GFPT1: variants seen among roughly 807,000 people sequenced by gnomAD.
GFPT1 encodes glutamine--fructose-6-phosphate aminotransferase [isomerizing] 1.
GFPT1 carries 40 observed loss-of-function variants against 92.0 expected under a neutral mutation model. That is an observed-to-expected ratio of 0.43 (90% CI 0.34 to 0.57). The LOEUF is 0.57. GFPT1 is among the 20% of genes least tolerant of loss of function. The probability of loss-of-function intolerance (pLI) is 0.02; values close to 1 mark genes in which losing one functional copy is unlikely to be tolerated. For missense variants in GFPT1, 448 were observed against 869.1 expected (o/e 0.52, Z 6.09); for synonymous variants, 269 against 280.6 (o/e 0.96, Z 0.41).
intron 18 of GFPT1, among the ~76,000 whole-genome samples, chr2:69,327,479 C>T (rs1287194155): frequency 6.6e-6 from 1 of 151,768 alleles, no homozygotes; most frequent in South Asian, 2.1e-4. Context: ...AAATATATCG[C>T]GTGTGTGTAA....
chr2:69,323,677 A>C lies in GFPT1; in HGVS notation c.*2512T>G. 1 of 134,866 alleles carries C rather than the reference A, an allele frequency of 7.4e-6. No homozygotes were observed. Among genetic ancestry groups the C allele is most frequent in the Non-Finnish European group, 1.6e-5 (1 of 64,472 alleles). The allele number at this position is 134,866 out of a possible 1,614,324, so 8.4% of individuals were successfully genotyped here. A position where few individuals can be genotyped will look rare whatever the true frequency, so the allele number is the denominator to read the frequency against. ...CCATGCCCAGCCCATTTAAAAAAAA[A>C]ATTTTTTTTTTTTTTTTTTGAGAGA... is the stretch of plus-strand genomic sequence containing the variant. On this transcript the variant is annotated 3_prime_UTR_variant, in exon 20 of 20. Coordinates refer to ENST00000357308, the MANE Select transcript of GFPT1 (RefSeq NM_001244710.2).
rs559312932 is a variant in GFPT1 at position 69,355,258 on chromosome 2, T to C, written c.606-690A>G. On this transcript the variant is annotated intron_variant, in intron 7 of 19. Coordinates refer to ENST00000357308, the MANE Select transcript of GFPT1 (RefSeq NM_001244710.2). ...ACACCCAGCTAAATTTTTTATTTTTTATAGAGATGGGATTTTGTCATGTTG... is the reference window on the plus strand; with the variant it reads ...ACACCCAGCTAAATTTTTTATTTTTCATAGAGATGGGATTTTGTCATGTTG... Among the ~76,000 whole-genome samples the C allele has an allele frequency of 7.9e-5, 12 of 152,058 alleles. No homozygotes were observed. In the East Asian group the frequency reaches 2.3e-3, roughly 29 times the overall value.
chr2:69,339,322 C>T (rs1670879449), intron 13 of GFPT1, among the ~76,000 whole-genome samples: 1 of 152,098 alleles, frequency 6.6e-6, no homozygotes, highest in Non-Finnish European at 1.5e-5. Context: ...ATGACCATTT[C>T]CCAAAAGAAG....
intron 2 of GFPT1, among the ~76,000 whole-genome samples, chr2:69,372,307 C>T (rs573216280): frequency 2.5e-3 from 383 of 151,814 alleles, no homozygotes; most frequent in Non-Finnish European, 4.4e-3. Flanking sequence ...CAGTGGCTCA[C>T]GCCTATAATC....
At chr2:69,366,558 C>T (rs1246221506) in intron 3 of GFPT1, among the ~76,000 whole-genome samples, 1 of 152,200 alleles carries the variant, frequency 6.6e-6, no homozygotes, top group East Asian at 1.9e-4. Context: ...ACCTAAGAAA[C>T]ATGTATCCAA....
intron 3 of GFPT1, among the ~76,000 whole-genome samples, chr2:69,368,460 G>C (rs1671662965): frequency 2.6e-5 from 4 of 152,104 alleles, no homozygotes; most frequent in Admixed American, 2.6e-4. Context: ...AGGCTCAGTG[G>C]CTAATGCCTG....
chr2:69,386,111 T>C (rs894643299), intron 1 of GFPT1, among the ~76,000 whole-genome samples: 6 of 152,178 alleles, frequency 3.9e-5, no homozygotes, highest in Non-Finnish European at 7.3e-5. Flanking sequence ...TACAATTATT[T>C]TTACTGGCAA....
chr2:69,346,539 A>G (rs748815917), intron 11 of GFPT1, among the ~76,000 whole-genome samples: 4 of 152,030 alleles, frequency 2.6e-5, no homozygotes, highest in Non-Finnish European at 4.4e-5. Context: ...CACTCAGTCA[A>G]CTGGGACAAG....
At chr2:69,384,300 T>C (rs902522457) in intron 1 of GFPT1, among the ~76,000 whole-genome samples, 1 of 152,154 alleles carries the variant, frequency 6.6e-6, no homozygotes, top group Admixed American at 6.5e-5. Flanking sequence ...AACATCCCAA[T>C]ACAAGCTGGT....
chr2:69,324,231 T>C lies in GFPT1; in HGVS notation c.*1958A>G, dbSNP rs1670479770. The C allele has an allele frequency of 6.6e-6, 1 of 152,186 alleles. No homozygotes were observed. The highest frequency in any genetic ancestry group is 2.1e-4 in the South Asian group (1 of 4,834). The allele number at this position is 152,186 out of a possible 1,614,324, so 9.4% of individuals were successfully genotyped here. On this transcript the variant is annotated 3_prime_UTR_variant, in exon 20 of 20. Transcript: ENST00000357308. ...TGTGTGTGTGTACACATGTGCTTTA[T>C]AGAAAGACACACACAGAGGGAGACA...
chr2:69,326,664 T>C (rs1161077145), intron 19 of GFPT1, among the ~76,000 whole-genome samples: 1 of 152,198 alleles, frequency 6.6e-6, no homozygotes, highest in African/African-American at 2.4e-5. Context: ...AGAGGTTATA[T>C]TAAGAAAACA....
At chr2:69,366,803 G>A (rs987294567) in intron 3 of GFPT1, among the ~76,000 whole-genome samples, 3 of 152,014 alleles carry the variant, frequency 2.0e-5, no homozygotes, top group Non-Finnish European at 4.4e-5. Flanking sequence ...TTCTTGGGCC[G>A]TAGTGCTTCA....
At chr2:69,381,037 T>C (rs1574091901) in intron 1 of GFPT1, among the ~76,000 whole-genome samples, 1 of 151,972 alleles carries the variant, frequency 6.6e-6, no homozygotes, top group Admixed American at 6.6e-5. Flanking sequence ...TGGAGGGCAG[T>C]GGCGCTATCT....
intron 13 of GFPT1, among the ~76,000 whole-genome samples, chr2:69,340,023 AAGAG>A (rs1670901852): frequency 6.6e-6 from 1 of 152,146 alleles, no homozygotes; most frequent in African/African-American, 2.4e-5. Flanking sequence ...ATGGGGAAAG[AAGAG>A]AGAAAGATAG....
intron 12 of GFPT1, 26 bp downstream of exon 12, chr2:69,345,878 T>A: frequency 8.2e-7 from 1 of 1,219,882 alleles, no homozygotes; most frequent in South Asian, 1.2e-5. Context: ...GACACTGAAA[T>A]AATAAAATAA....
In GFPT1 at chr2:69,373,997, T is replaced by G; in HGVS notation, c.115+9A>C. ...TCATGCAAAATCCATAGTATTTTTT[T>G]TAAAGTACCAGCAGAATCATATCCT... On this transcript the variant is annotated intron_variant, in intron 2 of 19. Coordinates refer to ENST00000357308, the MANE Select transcript of GFPT1 (RefSeq NM_001244710.2). 1 of 1,263,846 alleles carries G rather than the reference T, an allele frequency of 7.9e-7. No individual in the cohort carries two copies. Among genetic ancestry groups the G allele is most frequent in the Non-Finnish European group, 1.2e-6 (1 of 861,916 alleles). 78.3% of individuals were successfully genotyped at this position (1,263,846 alleles called of 1,614,324 possible). A position where few individuals can be genotyped will look rare whatever the true frequency, so the allele number is the denominator to read the frequency against.
rs1670512607 is a variant in GFPT1, at chr2:69,325,750, T to C, written c.*439A>G. The C allele has an allele frequency of 1.3e-5, 2 of 153,590 alleles. No homozygotes were observed. Among genetic ancestry groups the C allele is most frequent in the Non-Finnish European group, 2.9e-5 (2 of 69,058 alleles). 9.5% of individuals were successfully genotyped at this position (153,590 alleles called of 1,614,324 possible). A position where few individuals can be genotyped will look rare whatever the true frequency, so the allele number is the denominator to read the frequency against. On this transcript the variant is annotated 3_prime_UTR_variant, in exon 20 of 20. Transcript: ENST00000357308. The stretch of plus-strand genomic sequence containing the variant: ...TCTTCTCTTAAAACTTGGCAAACCC[T>C]TCCCTAACTGTCCAAGTATGAGCAT...
chr2:69,335,385 T>A (rs1345291970), intron 15 of GFPT1, among the ~76,000 whole-genome samples: 1 of 152,174 alleles, frequency 6.6e-6, no homozygotes, highest in Non-Finnish European at 1.5e-5. Context: ...AAAGTTCTCA[T>A]AAACAAAGGA....
At chr2:69,378,138 T>C (rs1469303338) in intron 1 of GFPT1, among the ~76,000 whole-genome samples, 1 of 152,222 alleles carries the variant, frequency 6.6e-6, no homozygotes, top group Non-Finnish European at 1.5e-5. Context: ...CCCAAGTAGC[T>C]GGAATTACAG....
Sources: gnomAD v4.1 joint callset for allele counts (sites outside exome capture counted in the v4.1 genomes callset) on GRCh38, gnomAD v4.1.1 for gene constraint, MANE v1.5 for transcripts, NCBI Gene and HGNC (gene_info 2026-07-23, HGNC 2026-07-21) for gene names.